AXIN1: variants seen among roughly 807,000 people sequenced by gnomAD.
AXIN1 encodes axin-1.
Under a neutral mutation model 76.4 loss-of-function variants are expected in AXIN1, and 30 were observed. The ratio of observed to expected loss-of-function variants is 0.39; its 90% CI spans 0.29 to 0.53. The LOEUF is 0.53. Ranked by LOEUF, AXIN1 falls within the 20% of genes least tolerant of loss-of-function variation. AXIN1 has a pLI of 0.66. For missense variants in AXIN1, 1,140 were observed against 1,198.8 expected, an observed-to-expected ratio of 0.95 and a Z score of 0.72; for synonymous variants, 545 against 501.4, an observed-to-expected ratio of 1.09 and a Z score of -1.16.
intron 3 of AXIN1, 104 bp downstream of exon 3, chr16:314,439 C>A: frequency 6.4e-7 from 1 of 1,552,938 alleles, no homozygotes; most frequent in East Asian, 2.3e-5. Context: ...AACAGGGTGT[C>A]TGGGGCAGGA....
chr16:336,308 T>C (rs1232066650), intron 2 of AXIN1, among the ~76,000 whole-genome samples: 1 of 151,950 alleles, frequency 6.6e-6, no homozygotes, highest in African/African-American at 2.4e-5. Context: ...CACCTCAGGG[T>C]AGGGGTGAGA....
intron 4 of AXIN1, among the ~76,000 whole-genome samples, chr16:305,678 G>C (rs1454911009): frequency 1.3e-5 from 2 of 152,066 alleles, no homozygotes; most frequent in Non-Finnish European, 2.9e-5. Context: ...CGAGTAGCTG[G>C]GACTACAGGC....
rs368778433 is a variant in AXIN1, at chr16:342,226, G to GT, written c.878+3921dup. On this transcript the variant is annotated intron_variant, in intron 2 of 10. Coordinates refer to ENST00000262320, the MANE Select transcript of AXIN1 (RefSeq NM_003502.4). ...ATCTGCAGCTTCACTCCTGAAGCCA[G>GT]TGAGACCACGAACCCACCAGAAGGA... is the stretch of plus-strand genomic sequence containing the variant. Among the ~76,000 whole-genome samples, 587 of 152,256 alleles carry GT rather than the reference G, an allele frequency of 3.9e-3. 2 individuals are homozygous for GT. The highest frequency in any genetic ancestry group is 0.013 in the African/African-American group (545 of 41,546).
intron 5 of AXIN1, among the ~76,000 whole-genome samples, chr16:299,604 C>T (rs1317150847): frequency 1.3e-5 from 2 of 152,062 alleles, no homozygotes; most frequent in Non-Finnish European, 2.9e-5. Flanking sequence ...ATCCACCACC[C>T]TCGGCCTCCC....
Position 289,617 on chromosome 16 carries a change from G to A in AXIN1, c.2295-10C>T. ...CCTCTGCGATCTTGTCCTGGGGAAAGAGATGCAGCGGTGGTACCTGGTTTT... is the reference window on the plus strand; with the variant it reads ...CCTCTGCGATCTTGTCCTGGGGAAAAAGATGCAGCGGTGGTACCTGGTTTT... On this transcript the variant is annotated splice_polypyrimidine_tract_variant and intron_variant, in intron 9 of 10. Coordinates refer to ENST00000262320, the MANE Select transcript of AXIN1 (RefSeq NM_003502.4). The A allele has an allele frequency of 1.9e-6, 3 of 1,612,512 alleles. No homozygotes were observed.
intron 7 of AXIN1, among the ~76,000 whole-genome samples, chr16:295,363 G>C (rs1258656117): frequency 6.6e-6 from 1 of 151,812 alleles, no homozygotes; most frequent in Non-Finnish European, 1.5e-5. Flanking sequence ...ACCTGCCTCG[G>C]CCTCCCAAAG....
chr16:294,571 A>G (rs942062572), intron 7 of AXIN1, among the ~76,000 whole-genome samples: 2 of 151,474 alleles, frequency 1.3e-5, no homozygotes, highest in African/African-American at 2.4e-5. Context: ...CCTGGCCAAC[A>G]TGGTGAAACC....
At chr16:297,387 G>C (rs925669308) in intron 6 of AXIN1, among the ~76,000 whole-genome samples, 161 bp from the exon 7 acceptor site, 1 of 151,048 alleles carries the variant, frequency 6.6e-6, no homozygotes, top group African/African-American at 2.4e-5. Flanking sequence ...TCCCCCGCCA[G>C]CTTGTCCCCC....
chr16:294,047 G>C (rs2052642270), intron 7 of AXIN1, among the ~76,000 whole-genome samples: 1 of 152,164 alleles, frequency 6.6e-6, no homozygotes, highest in Admixed American at 6.5e-5. Context: ...TGTCATCCCT[G>C]CTACTCTGGA....
intron 2 of AXIN1, among the ~76,000 whole-genome samples, chr16:325,507 G>A (rs2053561843): frequency 6.6e-6 from 1 of 152,212 alleles, no homozygotes; most frequent in South Asian, 2.1e-4. Context: ...TGACCCCGAG[G>A]CCAACAGCCA....
intron 2 of AXIN1, among the ~76,000 whole-genome samples, chr16:334,136 ACGG>A (rs2053751771): frequency 6.6e-6 from 1 of 151,436 alleles, no homozygotes; most frequent in African/African-American, 2.4e-5. Flanking sequence ...ACCCAGTACC[ACGG>A]CATGCCAATA....
chr16:323,007 G>A (rs2053492179), intron 2 of AXIN1, among the ~76,000 whole-genome samples: 1 of 152,204 alleles, frequency 6.6e-6, no homozygotes, highest in Non-Finnish European at 1.5e-5. Flanking sequence ...TCCCAAAACT[G>A]AGAGCCAAGC....
intron 4 of AXIN1, among the ~76,000 whole-genome samples, chr16:306,750 T>A (rs1229700574): frequency 1.3e-5 from 2 of 152,204 alleles, no homozygotes; most frequent in African/African-American, 4.8e-5. Context: ...CACTGGGTGA[T>A]GCCTCAGAGC....
intron 5 of AXIN1, among the ~76,000 whole-genome samples, chr16:303,147 C>T (rs1466154876): frequency 2.0e-5 from 3 of 152,134 alleles, no homozygotes; most frequent in Admixed American, 6.5e-5. Flanking sequence ...CAGGTGTGCA[C>T]TGCCCGCCCG....
chr16:341,783 A>C (rs1171402876), intron 2 of AXIN1, among the ~76,000 whole-genome samples: 1 of 152,236 alleles, frequency 6.6e-6, no homozygotes, highest in Non-Finnish European at 1.5e-5. Flanking sequence ...CTCTGTATCT[A>C]GCACAAGGTT....
At chr16:299,496 G>A (rs1597002843) in intron 5 of AXIN1, among the ~76,000 whole-genome samples, 1 of 151,398 alleles carries the variant, frequency 6.6e-6, no homozygotes, top group South Asian at 2.1e-4. Flanking sequence ...GGGATTATAG[G>A]AGTGTGCCAC....
intron 2 of AXIN1, among the ~76,000 whole-genome samples, chr16:337,339 T>C (rs1039238106): frequency 6.6e-6 from 1 of 151,732 alleles, no homozygotes; most frequent in Non-Finnish European, 1.5e-5. Context: ...AAAGCCCACA[T>C]ATCCAACTGT....
rs769122191 is a variant in AXIN1 at position 314,634 on chromosome 16, A to G, written c.928T>C (p.Tyr310His). ...PVNPYYVNAG[Y>H]ALAPATSAND... The stretch of plus-strand genomic sequence containing the variant: ...GCACTGGTGGCTGGGGCCAGGGCAT[A>G]GCCGGCATTGACATAATAGGGGTTG... Residue 310 changes from tyrosine to histidine, a missense_variant, in exon 3 of 11, where the codon TAT becomes CAT. Tyr to His is a moderately conservative substitution (Grantham distance 83). Coordinates refer to ENST00000262320, the MANE Select transcript of AXIN1 (RefSeq NM_003502.4). 6.2e-7 allele frequency: 1 copy of G among 1,614,040 alleles called. No individual in the cohort carries two copies. Among genetic ancestry groups the G allele is most frequent in the South Asian group, 1.1e-5 (1 of 91,084 alleles).
At chr16:311,832 C>G (rs1037796967) in intron 3 of AXIN1, among the ~76,000 whole-genome samples, 1 of 152,134 alleles carries the variant, frequency 6.6e-6, no homozygotes, top group Admixed American at 6.5e-5. Context: ...TCCAGGGATC[C>G]GTGCCGCACC....
Sources: allele counts gnomAD v4.1 joint callset (sites outside exome capture counted in the v4.1 genomes callset), GRCh38; gene constraint gnomAD v4.1.1; transcripts MANE v1.5; gene names NCBI Gene and HGNC (gene_info 2026-07-23, HGNC 2026-07-21).